SLC4A10: variants seen among roughly 807,000 people sequenced by gnomAD.
SLC4A10 encodes the protein solute carrier family 4 member 10, also known as sodium-driven chloride bicarbonate exchanger.
A neutral mutation model predicts 137.7 loss-of-function variants in SLC4A10; 42 were observed. That is an observed-to-expected ratio of 0.30 (90% CI 0.24 to 0.39). SLC4A10 has a LOEUF of 0.39. Among genes scored for constraint, SLC4A10 ranks in the 10% least tolerant of loss-of-function variants. The pLI, the probability that SLC4A10 is intolerant of heterozygous loss-of-function variation, is 1.00. For missense variants in SLC4A10, 925 were observed against 1,355.0 expected, an observed-to-expected ratio of 0.68 and a Z score of 4.98; for synonymous variants, 474 against 464.1, an observed-to-expected ratio of 1.02 and a Z score of -0.27.
intron 1 of SLC4A10, among the ~76,000 whole-genome samples, chr2:161,741,926 A>T (rs1050833418): frequency 3.9e-5 from 6 of 152,132 alleles, no homozygotes; most frequent in Non-Finnish European, 8.8e-5. Context: ...ATTGTATCTA[A>T]CTACATTTTT....
chr2:161,956,674 G>A (rs1432266949), intron 19 of SLC4A10, among the ~76,000 whole-genome samples: 2 of 152,186 alleles, frequency 1.3e-5, no homozygotes, highest in South Asian at 4.1e-4. Context: ...ACAAAAAACC[G>A]TGATTTCTAA....
chr2:161,649,248 C>G (rs1467892751), intron 1 of SLC4A10, among the ~76,000 whole-genome samples: 1 of 152,126 alleles, frequency 6.6e-6, no homozygotes, highest in Non-Finnish European at 1.5e-5. Context: ...GTAGTCCCAG[C>G]TACTCGGAAA....
chr2:161,849,117 A>G (rs2059672783), intron 4 of SLC4A10, among the ~76,000 whole-genome samples: 1 of 152,150 alleles, frequency 6.6e-6, no homozygotes, highest in Admixed American at 6.6e-5. Context: ...GAGATCTTTT[A>G]CGTCCCTGTT....
chr2:161,929,243 G>GTTTGT (rs992610583), intron 15 of SLC4A10, among the ~76,000 whole-genome samples: 6 of 152,106 alleles, frequency 3.9e-5, no homozygotes, highest in African/African-American at 9.7e-5. Flanking sequence ...ATATTACACA[G>GTTTGT]TTTGTTTTGT....
intron 23 of SLC4A10, among the ~76,000 whole-genome samples, chr2:161,968,712 G>A (rs532177137): frequency 1.1e-4 from 17 of 152,142 alleles, no homozygotes; most frequent in Non-Finnish European, 1.8e-4. Flanking sequence ...GCTCTGACTA[G>A]TGCAAAGACA....
At position 161,650,595 on chromosome 2, in the gene SLC4A10, C is replaced by G. The variant is rs532939426; in HGVS notation, c.48+26029C>G. Among the ~76,000 whole-genome samples the G allele has an allele frequency of 3.9e-5, 6 of 152,318 alleles. No individual in the cohort carries two copies. The South Asian group carries it at 1.2e-3, about 32-fold the overall frequency. On this transcript the variant is annotated intron_variant, in intron 1 of 26. Transcript: ENST00000446997. The stretch of plus-strand genomic sequence containing the variant: ...ACTCTCGGGGGGCCTGGGAAGACCC[C>G]CTGCCCCCACAAGCTTGGAAGTGCC...
intron 1 of SLC4A10, among the ~76,000 whole-genome samples, chr2:161,692,580 T>G (rs1360826867): frequency 6.6e-6 from 1 of 152,078 alleles, no homozygotes; most frequent in African/African-American, 2.4e-5. Flanking sequence ...AAAGTCATTT[T>G]GAGTGTTAAC....
chr2:161,805,906 C>A (rs1206012202), intron 3 of SLC4A10, among the ~76,000 whole-genome samples: 1 of 152,194 alleles, frequency 6.6e-6, no homozygotes, highest in Non-Finnish European at 1.5e-5. Flanking sequence ...TCTGTGGGGG[C>A]TGTAACCCCA....
At chr2:161,689,692 T>A (rs1482704928) in intron 1 of SLC4A10, among the ~76,000 whole-genome samples, 1 of 152,176 alleles carries the variant, frequency 6.6e-6, no homozygotes, top group Admixed American at 6.6e-5. Flanking sequence ...AGAAATAAGA[T>A]CTTTCCAGAT....
In SLC4A10 at chr2:161,917,402, A is replaced by G. The variant is rs192464628; in HGVS notation, c.1997+11515A>G. Among the ~76,000 whole-genome samples the G allele has an allele frequency of 9.2e-5, 14 of 152,064 alleles. No homozygotes were observed. The East Asian group carries it at 2.7e-3, about 29-fold the overall frequency. On this transcript the variant is annotated intron_variant, in intron 15 of 26. Coordinates refer to ENST00000446997, the MANE Select transcript of SLC4A10 (RefSeq NM_001178015.2). ...AGATAGTTAGTGTGGATAGTTAGATAGTGTAGATAGTTAGATAGTTGTAGA... is the reference window on the plus strand; with the variant it reads ...AGATAGTTAGTGTGGATAGTTAGATGGTGTAGATAGTTAGATAGTTGTAGA...
intron 3 of SLC4A10, among the ~76,000 whole-genome samples, chr2:161,816,903 A>G (rs2057129141): frequency 6.6e-6 from 1 of 152,066 alleles, no homozygotes; most frequent in Non-Finnish European, 1.5e-5. Context: ...GGTTGGTTCC[A>G]AGTCTTTGCT....
intron 19 of SLC4A10, among the ~76,000 whole-genome samples, chr2:161,955,304 G>A (rs1439937936): frequency 6.6e-6 from 1 of 152,186 alleles, no homozygotes; most frequent in Non-Finnish European, 1.5e-5. Flanking sequence ...GCCAAGGGAT[G>A]ATATTATGGT....
At chr2:161,955,259 A>G (rs746173319) in intron 19 of SLC4A10, among the ~76,000 whole-genome samples, 1 of 152,184 alleles carries the variant, frequency 6.6e-6, no homozygotes, top group Non-Finnish European at 1.5e-5. Flanking sequence ...GTTCTATTCT[A>G]TGGAATTACA....
At chr2:161,930,755 C>A (rs1690199472) in intron 15 of SLC4A10, among the ~76,000 whole-genome samples, 1 of 151,880 alleles carries the variant, frequency 6.6e-6, no homozygotes, top group Admixed American at 6.6e-5. Context: ...ACAGCATTAT[C>A]TAATGTTGTT....
chr2:161,707,316 G>A (rs2043781587), intron 1 of SLC4A10, among the ~76,000 whole-genome samples: 1 of 151,468 alleles, frequency 6.6e-6, no homozygotes, highest in African/African-American at 2.4e-5. Context: ...AATGTTGTGA[G>A]TGAAAGAAGG....
At chr2:161,940,541 C>G (rs1184412573) in intron 15 of SLC4A10, among the ~76,000 whole-genome samples, 1 of 152,204 alleles carries the variant, frequency 6.6e-6, no homozygotes, top group Non-Finnish European at 1.5e-5. Context: ...GTCCCCATCC[C>G]TAGCTCTGAA....
At position 161,682,037 on chromosome 2, in the gene SLC4A10, C is replaced by CT. The variant is rs1194476110; in HGVS notation, c.48+57477dup. 6.6e-5 allele frequency among the ~76,000 whole-genome samples: 10 copies of CT among 152,188 alleles called. No homozygotes were observed. The South Asian group carries it at 1.9e-3, about 28-fold the overall frequency. ...CTTCAGGGACAATCAGACTTGTCCT[C>CT]TTTTTTCTTGACTTTAATATGTAAC... On this transcript the variant is annotated intron_variant, in intron 1 of 26. Transcript: ENST00000446997.
At chr2:161,896,886 G>A (rs1036335876) in intron 11 of SLC4A10, among the ~76,000 whole-genome samples, 2 of 152,008 alleles carry the variant, frequency 1.3e-5, no homozygotes, top group Non-Finnish European at 2.9e-5. Flanking sequence ...TATTATCCAA[G>A]AGGAATATTA....
At position 161,771,061 on chromosome 2, in the gene SLC4A10, C is replaced by T; in HGVS notation, c.130+7C>T. 1 of 1,584,614 alleles carries T rather than the reference C, an allele frequency of 6.3e-7. No homozygotes were observed. The highest frequency in any genetic ancestry group is 8.6e-7 in the Non-Finnish European group (1 of 1,160,976). ...GAGAAAGAAGATTTAGAAGGTAAGA[C>T]CATTTTTCTTGGGATAGCTATTGGT... On this transcript the variant is annotated splice_region_variant and intron_variant, in intron 2 of 26. Transcript: ENST00000446997.
Sources: allele counts gnomAD v4.1 joint callset (sites outside exome capture counted in the v4.1 genomes callset), GRCh38; gene constraint gnomAD v4.1.1; transcripts MANE v1.5; gene names NCBI Gene and HGNC (gene_info 2026-07-23, HGNC 2026-07-21).